The following FOCAD variants were observed in gnomAD, a reference collection of about 807,000 sequenced individuals.
FOCAD encodes focadhesin, also known as KIAA1797.
In FOCAD, 198 loss-of-function variants were observed where a neutral mutation model predicts 225.6. The ratio of observed to expected loss-of-function variants is 0.88; its 90% confidence interval spans 0.78 to 0.99. The LOEUF (loss-of-function observed/expected upper bound fraction) is 0.99. Ranked by LOEUF, FOCAD falls within the 50% of genes least tolerant of loss-of-function variation. The probability of loss-of-function intolerance (pLI) is 0.00; values close to 1 mark genes in which losing one functional copy is unlikely to be tolerated. For synonymous variants in FOCAD, 897 were observed against 755.0 expected (o/e 1.19, Z -3.08); for missense variants, 2,713 against 2,123.6 (o/e 1.28, Z -5.46).
At chr9:20,716,437 T>C (rs546765733) in intron 2 of FOCAD, among the ~76,000 whole-genome samples, 2 of 152,270 alleles carry the variant, frequency 1.3e-5, no homozygotes, top group African/African-American at 4.8e-5. Flanking sequence ...TCCTTGGGTT[T>C]TGTATTTTAA....
Position 20,820,847 on chromosome 9 carries a change from G to A in FOCAD, c.1663-94G>A, listed in dbSNP as rs1824244479. The A allele has an allele frequency of 4.4e-6, 6 of 1,356,454 alleles. No homozygotes were observed. The South Asian group carries it at 7.9e-5, about 18-fold the overall frequency. The allele number at this position is 1,356,454 out of a possible 1,614,324, so 84.0% of individuals were successfully genotyped here. On this transcript the variant is annotated intron_variant, in intron 13 of 43. Transcript: ENST00000338382. ...GACAGTATAATTTGCAATGCAAATGGAGGATTTGGAGGTGAAAATGCTGAG... is the reference window on the plus strand; with the variant it reads ...GACAGTATAATTTGCAATGCAAATGAAGGATTTGGAGGTGAAAATGCTGAG...
intron 10 of FOCAD, among the ~76,000 whole-genome samples, chr9:20,785,958 T>G (rs924403017): frequency 4.3e-4 from 65 of 152,304 alleles, no homozygotes; most frequent in African/African-American, 1.5e-3. Flanking sequence ...CTAGTAGGTG[T>G]GAAGTGGTAT....
In FOCAD at chr9:20,725,060, C is replaced by G. The variant is rs553758125; in HGVS notation, c.287+4526C>G. On this transcript the variant is annotated intron_variant, in intron 4 of 43. Coordinates refer to ENST00000338382, the MANE Select transcript of FOCAD (RefSeq NM_001375567.1). ...TGGTGACACATGCCTATAGTCCCAGCTACGCAGGAGGCTGAGGCAGGAGAA... is the reference window on the plus strand; with the variant it reads ...TGGTGACACATGCCTATAGTCCCAGGTACGCAGGAGGCTGAGGCAGGAGAA... 1.3e-3 allele frequency among the ~76,000 whole-genome samples: 191 copies of G among 152,310 alleles called. 2 individuals are homozygous for G. The highest frequency in any genetic ancestry group is 3.4e-4 in the Non-Finnish European group (23 of 68,022).
intron 8 of FOCAD, among the ~76,000 whole-genome samples, chr9:20,771,927 T>C (rs1265431449): frequency 6.6e-6 from 1 of 152,150 alleles, no homozygotes; most frequent in Non-Finnish European, 1.5e-5. Flanking sequence ...GAGGATACTA[T>C]CCAGATTGGA....
chr9:20,770,176 A>G lies in FOCAD; in HGVS notation c.844A>G (p.Ile282Val), dbSNP rs770893289. The change falls in exon 8 of 44, where the codon ATA becomes GTA. Residue 282 changes from isoleucine to valine, a missense_variant. By Grantham distance (29) the Ile-to-Val change is conservative (BLOSUM62 3). Coordinates refer to ENST00000338382, the MANE Select transcript of FOCAD (RefSeq NM_001375567.1). Reference sequence around the variant, plus strand: ...GTGTGTCAGTGAAGTCAGCTTAAAGATAACTGGTGAATGTTCATCTTCAAT... The same window carrying G: ...GTGTGTCAGTGAAGTCAGCTTAAAGGTAACTGGTGAATGTTCATCTTCAAT... ...LLCVSEVSLK[I>V]TGECSSSIHL... The G allele has an allele frequency of 3.7e-6, 6 of 1,614,100 alleles. No homozygotes were observed. Among genetic ancestry groups the G allele is most frequent in the Non-Finnish European group, 4.2e-6 (5 of 1,180,014 alleles).
intron 15 of FOCAD, among the ~76,000 whole-genome samples, chr9:20,838,843 C>T (rs968627977): frequency 6.6e-6 from 1 of 152,040 alleles, no homozygotes; most frequent in Non-Finnish European, 1.5e-5. Context: ...TATGTATAAG[C>T]CTGCCCATGG....
At chr9:20,892,690 A>T (rs1371791973) in intron 21 of FOCAD, among the ~76,000 whole-genome samples, 1 of 152,158 alleles carries the variant, frequency 6.6e-6, no homozygotes, top group Non-Finnish European at 1.5e-5. Flanking sequence ...TGAACTGACA[A>T]TGCAGGATTT....
At chr9:20,849,890 T>C (rs1827481855) in intron 15 of FOCAD, among the ~76,000 whole-genome samples, 1 of 151,892 alleles carries the variant, frequency 6.6e-6, no homozygotes, top group Non-Finnish European at 1.5e-5. Context: ...TTCATTGCTC[T>C]CAGGTATAAA....
chr9:20,822,973 C>T lies in FOCAD; in HGVS notation c.1794-16C>T, dbSNP rs199712187. On this transcript the variant is annotated splice_polypyrimidine_tract_variant and intron_variant, in intron 14 of 43. Coordinates refer to ENST00000338382, the MANE Select transcript of FOCAD (RefSeq NM_001375567.1). ...CTTTAGCATTAATTTTGCTTTTAAA[C>T]TTTCATTTCTTGTAGGCCATATCAA... 1 of 1,562,288 alleles carries T rather than the reference C, an allele frequency of 6.4e-7. No homozygotes were observed. The highest frequency in any genetic ancestry group is 1.2e-5 in the South Asian group (1 of 83,118).
chr9:20,709,039 T>C (rs910499034), intron 1 of FOCAD, among the ~76,000 whole-genome samples: 1 of 152,200 alleles, frequency 6.6e-6, no homozygotes, highest in African/African-American at 2.4e-5. Context: ...GTGTGATACA[T>C]AGTTGTACAA....
At chr9:20,905,786 G>A (rs920427114) in intron 21 of FOCAD, among the ~76,000 whole-genome samples, 2 of 151,926 alleles carry the variant, frequency 1.3e-5, no homozygotes, top group Admixed American at 1.3e-4. Context: ...AAGAGCTGGA[G>A]GACTCATTCC....
chr9:20,716,678 C>G (rs116605899), intron 2 of FOCAD, among the ~76,000 whole-genome samples: 3,440 of 152,050 alleles, frequency 0.023, 127 homozygotes, highest in African/African-American at 0.079. Flanking sequence ...CTTCTGTAAC[C>G]ACTGCTCGAT....
chr9:20,921,881 AT>A (rs1205930961), intron 24 of FOCAD, among the ~76,000 whole-genome samples: 1 of 152,116 alleles, frequency 6.6e-6, no homozygotes, highest in African/African-American at 2.4e-5. Flanking sequence ...CTTGTCTAAT[AT>A]ATTTGTTTTA....
intron 21 of FOCAD, among the ~76,000 whole-genome samples, chr9:20,897,870 T>C (rs922487292): frequency 6.6e-6 from 1 of 151,872 alleles, no homozygotes; most frequent in Non-Finnish European, 1.5e-5. Flanking sequence ...GCTTCTGATC[T>C]CTATAATTTG....
chr9:20,671,597 G>C (rs1430907142), intron 2 of FOCAD, among the ~76,000 whole-genome samples: 4 of 127,008 alleles, frequency 3.1e-5, no homozygotes, highest in Non-Finnish European at 6.6e-5. Context: ...AGATAGATTA[G>C]TATGGTAACA....
intron 11 of FOCAD, among the ~76,000 whole-genome samples, chr9:20,799,204 C>A (rs745952099): frequency 1.9e-4 from 29 of 152,166 alleles, no homozygotes; most frequent in Admixed American, 3.9e-4. Flanking sequence ...GCACTGTGGT[C>A]TGAGCGACAG....
chr9:20,776,617 C>T (rs965207390), intron 8 of FOCAD, among the ~76,000 whole-genome samples: 1 of 152,182 alleles, frequency 6.6e-6, no homozygotes, highest in Non-Finnish European at 1.5e-5. Flanking sequence ...CTCACCCTTC[C>T]TGGAGAAGGC....
chr9:20,679,780 G>A (rs1404285109), upstream of FOCAD, among the ~76,000 whole-genome samples: 1 of 152,172 alleles, frequency 6.6e-6, no homozygotes, highest in South Asian at 2.1e-4. Context: ...AGTTTTGCAT[G>A]TACAATGTCT....
intron 1 of FOCAD, among the ~76,000 whole-genome samples, chr9:20,710,229 ATTTTTTTTT>A (rs749860355): frequency 2.0e-5 from 2 of 102,290 alleles, no homozygotes; most frequent in South Asian, 3.5e-4. Flanking sequence ...AGTAGCTGAG[ATTTTTTTTT>A]TTTTTTTTTT....
Sources: gnomAD v4.1 joint callset for allele counts (sites outside exome capture counted in the v4.1 genomes callset) on GRCh38, gnomAD v4.1.1 for gene constraint, MANE v1.5 for transcripts, NCBI Gene and HGNC (gene_info 2026-07-23, HGNC 2026-07-21) for gene names.